The following ANTXR1 variants were observed in gnomAD, a reference collection of about 807,000 sequenced individuals.
ANTXR1 encodes anthrax toxin receptor 1.
In ANTXR1, 19 loss-of-function variants were observed where a neutral mutation model predicts 78.1. That is an observed-to-expected ratio of 0.24 (90% CI 0.17 to 0.36). ANTXR1 has a LOEUF of 0.36. ANTXR1 is among the 10% of genes least tolerant of loss of function. The pLI is 1.00. For synonymous variants in ANTXR1, 273 were observed against 260.5 expected (o/e 1.05, Z -0.46); for missense variants, 518 against 718.6 (o/e 0.72, Z 3.19).
rs148000139 is a variant in ANTXR1 at position 69,040,186 on chromosome 2, T to G, written c.224+71T>G. 79 of 1,359,162 alleles carry G rather than the reference T, an allele frequency of 5.8e-5. 1 individual carries two copies. In the East Asian group the frequency reaches 1.6e-3, roughly 28 times the overall value. 84.2% of individuals were successfully genotyped at this position (1,359,162 alleles called of 1,614,324 possible). On this transcript the variant is annotated intron_variant, in intron 2 of 17. Transcript: ENST00000303714. ...AGTCAAACTAGTCCATGTTTGCTAT[T>G]CTATTAATTACTACATACTTTGGGG...
At chr2:69,226,577 C>T (rs1398291381) in intron 17 of ANTXR1, among the ~76,000 whole-genome samples, 1 of 152,136 alleles carries the variant, frequency 6.6e-6, no homozygotes, top group African/African-American at 2.4e-5. Context: ...GAGAAGAATT[C>T]GGGAGTCAGA....
intron 17 of ANTXR1, among the ~76,000 whole-genome samples, chr2:69,239,775 T>C (rs2104530741): frequency 6.6e-6 from 1 of 152,212 alleles, no homozygotes; most frequent in African/African-American, 2.4e-5. Flanking sequence ...AGCACCAGTG[T>C]CCTGTCTCTA....
chr2:69,190,727 A>G (rs2104473068), intron 16 of ANTXR1, among the ~76,000 whole-genome samples: 1 of 152,316 alleles, frequency 6.6e-6, no homozygotes, highest in Non-Finnish European at 1.5e-5. Context: ...GTGCTTAAAC[A>G]CTACACTGTA....
intron 10 of ANTXR1, among the ~76,000 whole-genome samples, chr2:69,109,397 A>G (rs1027549196): frequency 5.9e-5 from 9 of 152,372 alleles, no homozygotes; most frequent in African/African-American, 2.2e-4. Flanking sequence ...ATGTGGAAGA[A>G]TAAACACACA....
At chr2:69,131,337 CCT>C (rs761159402) in intron 12 of ANTXR1, among the ~76,000 whole-genome samples, 7 of 152,222 alleles carry the variant, frequency 4.6e-5, no homozygotes, top group Admixed American at 2.0e-4. Context: ...TTCACTTCCT[CCT>C]CTCATGCAAA....
At chr2:69,094,744 G>C (rs1451487222) in intron 9 of ANTXR1, among the ~76,000 whole-genome samples, 2 of 152,230 alleles carry the variant, frequency 1.3e-5, no homozygotes, top group South Asian at 2.1e-4. Context: ...GAGGCAGCGA[G>C]ATAATGACAA....
intron 2 of ANTXR1, among the ~76,000 whole-genome samples, chr2:69,041,393 C>T (rs1669610994): frequency 6.6e-6 from 1 of 152,180 alleles, no homozygotes; most frequent in South Asian, 2.1e-4. Context: ...TTTCTTCACT[C>T]GCAGCCATTG....
At chr2:69,201,460 C>G (rs903952134) in intron 17 of ANTXR1, among the ~76,000 whole-genome samples, 2 of 152,102 alleles carry the variant, frequency 1.3e-5, no homozygotes, top group Non-Finnish European at 1.5e-5. Flanking sequence ...GCTCTGCCAG[C>G]CTGACGAGGC....
At chr2:69,201,072 A>C (rs1674762251) in intron 17 of ANTXR1, among the ~76,000 whole-genome samples, 1 of 152,158 alleles carries the variant, frequency 6.6e-6, no homozygotes, top group African/African-American at 2.4e-5. Context: ...CTTGATATTC[A>C]AGATTAATGA....
intron 13 of ANTXR1, among the ~76,000 whole-genome samples, chr2:69,166,537 G>T (rs563520119): frequency 6.6e-6 from 1 of 152,270 alleles, no homozygotes; most frequent in African/African-American, 2.4e-5. Flanking sequence ...CAGTCTAAAG[G>T]TGGTAGTAAG....
intron 17 of ANTXR1, among the ~76,000 whole-genome samples, chr2:69,212,687 C>T (rs2104500131): frequency 6.6e-6 from 1 of 152,260 alleles, no homozygotes; most frequent in African/African-American, 2.4e-5. Context: ...GGTCTTGCTC[C>T]ATCACTCAGG....
rs968800055 is a variant in ANTXR1 at position 69,248,077 on chromosome 2, A to T, written c.*2592A>T. The T allele has an allele frequency of 6.0e-6, 1 of 166,908 alleles. No homozygotes were observed. Among genetic ancestry groups the T allele is most frequent in the Non-Finnish European group, 1.5e-5 (1 of 68,130 alleles). The allele number at this position is 166,908 out of a possible 1,614,324, so 10.3% of individuals were successfully genotyped here. ...TCATAGTGGGCTATTACAGGCAGGA[A>T]AATGTTTTAACTGGTTTACAAAATC... On this transcript the variant is annotated 3_prime_UTR_variant, in exon 18 of 18. Coordinates refer to ENST00000303714, the MANE Select transcript of ANTXR1 (RefSeq NM_032208.3).
intron 12 of ANTXR1, among the ~76,000 whole-genome samples, chr2:69,143,259 A>G (rs1385014069): frequency 2.6e-5 from 4 of 152,230 alleles, no homozygotes. Context: ...GAGATGAAGT[A>G]GACAGGGGCA....
chr2:69,032,774 CAT>C (rs1671565806), intron 1 of ANTXR1, among the ~76,000 whole-genome samples: 1 of 151,832 alleles, frequency 6.6e-6, no homozygotes, highest in Non-Finnish European at 1.5e-5. Context: ...TGTGTGTGTG[CAT>C]GTGCCTGTCG....
intron 17 of ANTXR1, among the ~76,000 whole-genome samples, chr2:69,210,880 G>A (rs1675024284): frequency 6.8e-6 from 1 of 147,300 alleles, no homozygotes; most frequent in Non-Finnish European, 1.5e-5. Context: ...AGGTTGCAGT[G>A]AGCTGAGATC....
chr2:69,124,426 C>A, intron 11 of ANTXR1, 139 bp from the exon 12 acceptor site: 1 of 769,082 alleles, frequency 1.3e-6, no homozygotes, highest in Non-Finnish European at 2.3e-6. Context: ...GAAACTCAGA[C>A]CCCTCCTCCC....
chr2:69,073,047 T>G lies in ANTXR1; in HGVS notation c.438T>G (p.Ile146Met). 1 of 1,614,090 alleles carries G rather than the reference T, an allele frequency of 6.2e-7. No individual in the cohort carries two copies. The highest frequency in any genetic ancestry group is 8.5e-7 in the Non-Finnish European group (1 of 1,179,932). Residue 146 changes from isoleucine to methionine, a missense_variant, in exon 6 of 18, where the codon ATT becomes ATG. By Grantham distance (10) the Ile-to-Met change is conservative (BLOSUM62 1). Coordinates refer to ENST00000303714, the MANE Select transcript of ANTXR1 (RefSeq NM_032208.3). ...GGTACAGGACAGCCAGCGTCATCAT[T>G]GCTTTGACTGATGGAGAACTCCATG... ...RQGYRTASVI[I>M]ALTDGELHED...
rs543381516 is a variant in ANTXR1, at chr2:69,115,827, G to A, written c.803-7190G>A. Among the ~76,000 whole-genome samples, 4 of 152,346 alleles carry A rather than the reference G, an allele frequency of 2.6e-5. No individual in the cohort carries two copies. The South Asian group carries it at 8.3e-4, about 32-fold the overall frequency. ...AACAATACCAGGTCAGGGAAAAGGT[G>A]AGTTGTGAGCGAGGGTATGGGCCAT... On this transcript the variant is annotated intron_variant, in intron 10 of 17. Transcript: ENST00000303714.
chr2:69,092,273 C>T (rs1573866660), intron 9 of ANTXR1, among the ~76,000 whole-genome samples: 1 of 152,134 alleles, frequency 6.6e-6, no homozygotes, highest in African/African-American at 2.4e-5. Flanking sequence ...GAGGGAACTC[C>T]TTAAGGATTT....
Sources: allele counts gnomAD v4.1 joint callset (sites outside exome capture counted in the v4.1 genomes callset), GRCh38; gene constraint gnomAD v4.1.1; transcripts MANE v1.5; gene names NCBI Gene and HGNC (gene_info 2026-07-23, HGNC 2026-07-21).